HMCN2: variants seen among roughly 807,000 people sequenced by gnomAD.
HMCN2 encodes hemicentin-2.
HMCN2 carries 325 observed loss-of-function variants against 377.5 expected under a neutral mutation model. The ratio of observed to expected loss-of-function variants is 0.86; its 90% CI spans 0.79 to 0.94. HMCN2 has a LOEUF of 0.94. Ranked by LOEUF, HMCN2 falls within the 40% of genes least tolerant of loss-of-function variation. The probability of loss-of-function intolerance (pLI) is 0.00; values close to 1 mark genes in which losing one functional copy is unlikely to be tolerated. For missense variants in HMCN2, 4,543 were observed against 4,725.3 expected (o/e 0.96, Z 1.13); for synonymous variants, 2,007 against 2,046.8 (o/e 0.98, Z 0.53).
chr9:130,379,349 C>T lies in HMCN2; in HGVS notation c.8313C>T (p.Ile2771=), dbSNP rs1021820173. ...ARGGVTEYRE[I]VENNPAYLYC... is the part of the protein sequence containing the mutation. Reference sequence around the variant, plus strand: ...GCGGAGTCACGGAATACAGGGAGATCGTGGAGAACAACCCAGCCTACCTGT... The same window carrying T: ...GCGGAGTCACGGAATACAGGGAGATTGTGGAGAACAACCCAGCCTACCTGT... The change falls in exon 54 of 98, where the codon ATC becomes ATT. Residue 2771 remains isoleucine, a synonymous_variant. Coordinates refer to ENST00000683500, the MANE Select transcript of HMCN2 (RefSeq NM_001291815.2). 6 of 985,706 alleles carry T rather than the reference C, an allele frequency of 6.1e-6. No homozygotes were observed. Among genetic ancestry groups the T allele is most frequent in the Non-Finnish European group, 7.2e-6 (6 of 829,910 alleles). 61.1% of individuals were successfully genotyped at this position (985,706 alleles called of 1,614,324 possible).
At chr9:130,332,051 AG>A (rs1838459738) in intron 22 of HMCN2, among the ~76,000 whole-genome samples, 1 of 152,152 alleles carries the variant, frequency 6.6e-6, no homozygotes, top group African/African-American at 2.4e-5. Context: ...TGAGGCCTGC[AG>A]CTGGGATCTG....
intron 87 of HMCN2, among the ~76,000 whole-genome samples, chr9:130,424,306 G>A (rs1400738510): frequency 6.6e-6 from 1 of 150,846 alleles, no homozygotes; most frequent in Non-Finnish European, 1.5e-5. Context: ...AGCCTCCCAA[G>A]TAGCTGGGAC....
chr9:130,332,893 A>G (rs1838500979), intron 22 of HMCN2, among the ~76,000 whole-genome samples: 2 of 152,078 alleles, frequency 1.3e-5, no homozygotes, highest in Non-Finnish European at 2.9e-5. Flanking sequence ...TCTGGCGGGG[A>G]GTGCCGTTCA....
intron 22 of HMCN2, among the ~76,000 whole-genome samples, chr9:130,333,594 C>G (rs1770748146): frequency 6.6e-6 from 1 of 152,210 alleles, no homozygotes; most frequent in African/African-American, 2.4e-5. Context: ...GCGATGAAGT[C>G]TGCCCCGCTC....
Position 130,394,397 on chromosome 9 carries a change from T to C in HMCN2, c.10514T>C (p.Ile3505Thr), listed in dbSNP as rs948725961. 1 of 1,289,356 alleles carries C rather than the reference T, an allele frequency of 7.8e-7. No individual in the cohort carries two copies. The highest frequency in any genetic ancestry group is 1.5e-5 in the African/African-American group (1 of 65,844). 79.9% of individuals were successfully genotyped at this position (1,289,356 alleles called of 1,614,324 possible). The change falls in exon 69 of 98, where the codon ATT becomes ACT. Residue 3505 changes from isoleucine (I) to threonine (T), a missense_variant. By Grantham distance (89) the Ile-to-Thr change is moderately conservative. Transcript: ENST00000683500. The surrounding 1 kb of genome is among the most constrained non-coding windows in gnomAD (Gnocchi z 5.1). The stretch of plus-strand genomic sequence containing the variant: ...TGGTGGCTTGCAGAGCCCCCTCACA[T>C]TGAGGACTCAGGCCAGCCTACAGAG... ...FQLTVMEPPHIEDSGQPTELS... is the reference protein window; with the variant it reads ...FQLTVMEPPHTEDSGQPTELS...
At chr9:130,309,221 G>C (rs1837077529) in intron 14 of HMCN2, among the ~76,000 whole-genome samples, 1 of 152,150 alleles carries the variant, frequency 6.6e-6, no homozygotes, top group Admixed American at 6.5e-5. Context: ...CAAGAAAAAT[G>C]GCGGGCTGGG....
At chr9:130,266,697 G>A (rs754813545) in intron 1 of HMCN2, among the ~76,000 whole-genome samples, 1 of 152,212 alleles carries the variant, frequency 6.6e-6, no homozygotes, top group Middle Eastern at 3.2e-3. Context: ...CTTCCCTGGG[G>A]AAAGGGCAGC....
chr9:130,283,930 C>G lies in HMCN2; in HGVS notation c.260-673C>G, dbSNP rs557711525. The stretch of plus-strand genomic sequence containing the variant: ...GTTTTCATTTCTCTTGGGGACATAC[C>G]TAGGTGTGGAATGGCTGGACCCCAT... On this transcript the variant is annotated intron_variant, in intron 1 of 97. Transcript: ENST00000683500. Among the ~76,000 whole-genome samples the G allele has an allele frequency of 3.9e-5, 6 of 152,204 alleles. No individual in the cohort carries two copies. In the South Asian group the frequency reaches 6.2e-4, roughly 16 times the overall value.
At position 130,414,939 on chromosome 9, in the gene HMCN2, C is replaced by T. The variant is rs1843606377; in HGVS notation, c.12962-3833C>T. On this transcript the variant is annotated intron_variant, in intron 85 of 97. Transcript: ENST00000683500. The surrounding 1 kb of genome is among the most constrained non-coding windows in gnomAD (Gnocchi z 4.4). ...CAAGACTGAACTGTCACCACTGTCA[C>T]CACTGAGTGGGAAGCCCCTCGCCTA... Among the ~76,000 whole-genome samples, 1 of 150,898 alleles carries T rather than the reference C, an allele frequency of 6.6e-6. No individual in the cohort carries two copies.
chr9:130,385,785 G>A lies in HMCN2; in HGVS notation c.9309+23G>A, dbSNP rs1482314161. Reference sequence around the variant, plus strand: ...CAGGTGAGCAACCCTGGGGGCACGGGCAGCCATGAGCGCTGCAGGAAAGTC... The same window carrying A: ...CAGGTGAGCAACCCTGGGGGCACGGACAGCCATGAGCGCTGCAGGAAAGTC... On this transcript the variant is annotated intron_variant, in intron 60 of 97. Coordinates refer to ENST00000683500, the MANE Select transcript of HMCN2 (RefSeq NM_001291815.2). The A allele has an allele frequency of 4.6e-6, 6 of 1,294,614 alleles. No individual in the cohort carries two copies. The Admixed American group carries it at 1.4e-4, about 30-fold the overall frequency. 80.2% of individuals were successfully genotyped at this position (1,294,614 alleles called of 1,614,324 possible). A position where few individuals can be genotyped will look rare whatever the true frequency, so the allele number is the denominator to read the frequency against.
chr9:130,290,124 C>T (rs1835674575), intron 4 of HMCN2, among the ~76,000 whole-genome samples: 1 of 152,234 alleles, frequency 6.6e-6, no homozygotes, highest in East Asian at 1.9e-4. Flanking sequence ...CCTCTAACAT[C>T]TGGAAGCCAT....
intron 32 of HMCN2, among the ~76,000 whole-genome samples, 161 bp from the exon 33 acceptor site, chr9:130,355,585 C>T (rs1450178248): frequency 6.6e-6 from 1 of 152,218 alleles, no homozygotes; most frequent in Non-Finnish European, 1.5e-5. Context: ...CCTTACCCGC[C>T]TTGGGTGGCC....
Position 130,351,864 on chromosome 9 carries a change from C to T in HMCN2, c.4585+287C>T, listed in dbSNP as rs1334105983. On this transcript the variant is annotated intron_variant, in intron 30 of 97. Coordinates refer to ENST00000683500, the MANE Select transcript of HMCN2 (RefSeq NM_001291815.2). This position sits in a 1 kb window ranked among gnomAD's most constrained non-coding sequence, Gnocchi z 5.4. ...TCTCTCTCTGTTGCCTAGGCTGGAG[C>T]GCAGTGGCACCATCTTGGCTCACTG... Among the ~76,000 whole-genome samples, 1 of 151,786 alleles carries T rather than the reference C, an allele frequency of 6.6e-6. No homozygotes were observed. Among genetic ancestry groups the T allele is most frequent in the South Asian group, 2.1e-4 (1 of 4,798 alleles).
At chr9:130,363,887 A>C (rs867198130) in intron 40 of HMCN2, among the ~76,000 whole-genome samples, 5 of 137,142 alleles carry the variant, frequency 3.6e-5, no homozygotes, top group Middle Eastern at 3.5e-3. Flanking sequence ...GAAAGAAGGA[A>C]GGAAGGAGAG....
chr9:130,427,267 A>G lies in HMCN2; in HGVS notation c.13880-46A>G, dbSNP rs527516952. 3.7e-5 allele frequency: 57 copies of G among 1,535,816 alleles called. No homozygotes were observed. In the South Asian group the frequency reaches 6.6e-4, roughly 18 times the overall value. On this transcript the variant is annotated intron_variant, in intron 90 of 97. Transcript: ENST00000683500. ...GGGCTATGGCCAGGGCAGCCTTGGG[A>G]GAGGACACCCTCATGTCCTTAGAGT...
At chr9:130,318,296 A>G (rs1215334613) in intron 15 of HMCN2, among the ~76,000 whole-genome samples, 2 of 152,060 alleles carry the variant, frequency 1.3e-5, no homozygotes, top group Non-Finnish European at 2.9e-5. Context: ...AGACAGATGG[A>G]AAGAACAAAG....
Position 130,390,977 on chromosome 9 carries a change from A to G in HMCN2, c.9524A>G (p.Glu3175Gly). Residue 3175 changes from glutamate (E) to glycine (G), a missense_variant and splice_region_variant, in exon 63 of 98, where the codon GAG (glutamate) becomes GGG (glycine). Glu to Gly is a moderately conservative substitution (Grantham distance 98). Around this residue, in one of 5 missense-constraint regions of HMCN2, gnomAD observed 736 missense variants for 773.2 expected, o/e 0.95. Transcript: ENST00000683500. ...VTWLKDRMPVESSAVHGVVSR... is the reference protein window; with the variant it reads ...VTWLKDRMPVGSSAVHGVVSR... ...TTCAGGGGACCCCTCTGTCCCACAGAGAGCAGCGCGGTGCACGGTGTGGTC... is the reference window on the plus strand; with the variant it reads ...TTCAGGGGACCCCTCTGTCCCACAGGGAGCAGCGCGGTGCACGGTGTGGTC... 1.0e-6 allele frequency: 1 copy of G among 986,898 alleles called. No individual in the cohort carries two copies. The highest frequency in any genetic ancestry group is 1.2e-6 in the Non-Finnish European group (1 of 830,136). The allele number at this position is 986,898 out of a possible 1,614,324, so 61.1% of individuals were successfully genotyped here. A position where few individuals can be genotyped will look rare whatever the true frequency, so the allele number is the denominator to read the frequency against.
At chr9:130,288,655 A>G (rs1835556000) in intron 4 of HMCN2, among the ~76,000 whole-genome samples, 1 of 152,294 alleles carries the variant, frequency 6.6e-6, no homozygotes, top group Middle Eastern at 3.4e-3. Flanking sequence ...GGCGTCATGC[A>G]TTCTCTTCCC....
In HMCN2 at chr9:130,351,590, G is replaced by A. The variant is rs912994308; in HGVS notation, c.4585+13G>A. On this transcript the variant is annotated intron_variant, in intron 30 of 97. Coordinates refer to ENST00000683500, the MANE Select transcript of HMCN2 (RefSeq NM_001291815.2). This position sits in a 1 kb window ranked among gnomAD's most constrained non-coding sequence, Gnocchi z 5.4. ...CTCCGAGTTCATGGTGAGCCCCCAC[G>A]CCTTCTGGGACCCCGCCACAGGCTA... 3.6e-5 allele frequency: 47 copies of A among 1,297,174 alleles called. No homozygotes were observed. In the African/African-American group the frequency reaches 6.7e-4, roughly 18 times the overall value. The allele number at this position is 1,297,174 out of a possible 1,614,324, so 80.4% of individuals were successfully genotyped here. A position where few individuals can be genotyped will look rare whatever the true frequency, so the allele number is the denominator to read the frequency against.
Sources: allele counts gnomAD v4.1 joint callset (sites outside exome capture counted in the v4.1 genomes callset), GRCh38; gene constraint gnomAD v4.1.1; regional missense constraint gnomAD v4.1.1; non-coding constraint Gnocchi (gnomAD v3.1); transcripts MANE v1.5; gene names NCBI Gene and HGNC (gene_info 2026-07-23, HGNC 2026-07-21).